Variants in LTBP2 observed in about 807,000 individuals in gnomAD.
LTBP2 encodes latent-transforming growth factor beta-binding protein 2.
LTBP2 carries 103 observed loss-of-function variants against 210.6 expected under a neutral mutation model. The ratio of observed to expected loss-of-function variants is 0.49; its 90% confidence interval spans 0.42 to 0.58. The LOEUF (loss-of-function observed/expected upper bound fraction) is 0.58, where lower values mean the gene tolerates loss of function less well. Ranked by LOEUF, LTBP2 falls within the 20% of genes least tolerant of loss-of-function variation. The probability of loss-of-function intolerance (pLI) is 0.00; values close to 1 mark genes in which losing one functional copy is unlikely to be tolerated. For missense variants in LTBP2, 2,313 were observed against 2,494.5 expected (o/e 0.93, Z 1.55); for synonymous variants, 1,007 against 1,015.0 (o/e 0.99, Z 0.15).
In LTBP2 at chr14:74,501,010, G is replaced by A; in HGVS notation, c.5340C>T (p.Asp1780=). Residue 1780 remains aspartate, a synonymous_variant, in exon 36 of 36, where the codon GAC becomes GAT. Transcript: ENST00000261978. ...MACVDVNECD[D]LNGPAVLCVH... ...CACAGAGCACAGCAGGCCCGTTCAA[G>A]TCATCACACTCATTCACATCTAAGA... is the stretch of plus-strand genomic sequence containing the variant. 1 of 1,613,938 alleles carries A rather than the reference G, an allele frequency of 6.2e-7. No individual in the cohort carries two copies. Among genetic ancestry groups the A allele is most frequent in the Non-Finnish European group, 8.5e-7 (1 of 1,179,926 alleles).
rs137854857 is a variant in LTBP2 at position 74,551,197 on chromosome 14, C to A, written c.1553G>T (p.Ser518Ile). 0.012 allele frequency: 19,137 copies of A among 1,613,692 alleles called. 148 individuals are homozygous for A. Among genetic ancestry groups the A allele is most frequent in the Non-Finnish European group, 0.015 (17,445 of 1,179,992 alleles). ...GCTGTCCCAGAGGCTGTGGCCAGGG[C>A]TGGCAGGCAGCCAGGGCGGGGGTCT... ...ETRPPPWLPA[S>I]PGHSLWDSNN... Residue 518 changes from serine (S) to isoleucine (I), a missense_variant, in exon 7 of 36, where the codon AGC (serine) becomes ATC (isoleucine). Ser to Ile is a moderately radical substitution (Grantham distance 142). This residue lies in a region of LTBP2 where 1,867 missense variants were observed against 1,976.9 expected (regional missense o/e 0.94). Coordinates refer to ENST00000261978, the MANE Select transcript of LTBP2 (RefSeq NM_000428.3).
At chr14:74,528,394 G>A (rs1209912846) in intron 12 of LTBP2, 89 bp downstream of exon 12, 1 of 1,444,246 alleles carries the variant, frequency 6.9e-7, no homozygotes, top group African/African-American at 1.4e-5. Context: ...GGATGCCCAG[G>A]GACCCAGGAT....
chr14:74,552,910 T>A lies in LTBP2; in HGVS notation c.1174A>T (p.Lys392Ter). The A allele has an allele frequency of 6.2e-7, 1 of 1,613,442 alleles. No individual in the cohort carries two copies. The highest frequency in any genetic ancestry group is 8.5e-7 in the Non-Finnish European group (1 of 1,179,746). Reference sequence around the variant, plus strand: ...GACTCACAGATGCGGAAGCCAGACTTGGGATCGTGCCCATGGCCGCCCTGG... The same window carrying A: ...GACTCACAGATGCGGAAGCCAGACTAGGGATCGTGCCCATGGCCGCCCTGG... Reference protein sequence around the residue: ...YSQGGHGHDPKSGFRIYFCQI... With the variant: ...YSQGGHGHDP Residue 392 changes from lysine (K) to a stop codon, truncating the protein, a stop_gained, in exon 5 of 36, where the codon AAG becomes TAG. Coordinates refer to ENST00000261978, the MANE Select transcript of LTBP2 (RefSeq NM_000428.3). LOFTEE classifies it high-confidence loss of function.
At chr14:74,518,085 A>G (rs2087157489) in intron 17 of LTBP2, among the ~76,000 whole-genome samples, 1 of 152,148 alleles carries the variant, frequency 6.6e-6, no homozygotes, top group African/African-American at 2.4e-5. Context: ...GACTGGTTTA[A>G]TGCATCACCT....
chr14:74,555,497 C>A lies in LTBP2; in HGVS notation c.1021+6G>T, dbSNP rs1196917279. ...TCTTCTAGGACCCAAGACAGGGTAT[C>A]CTTACCCCAGGGGGATGAGGGGTGC... On this transcript the variant is annotated splice_donor_region_variant and intron_variant, in intron 4 of 35. Coordinates refer to ENST00000261978, the MANE Select transcript of LTBP2 (RefSeq NM_000428.3). The A allele has an allele frequency of 1.9e-6, 3 of 1,613,570 alleles. No homozygotes were observed. The highest frequency in any genetic ancestry group is 2.5e-6 in the Non-Finnish European group (3 of 1,179,704).
chr14:74,539,697 C>T lies in LTBP2; in HGVS notation c.1790-3697G>A, dbSNP rs79923297. Among the ~76,000 whole-genome samples the T allele has an allele frequency of 1.9e-4, 26 of 140,102 alleles. No individual in the cohort carries two copies. In the South Asian group the frequency reaches 2.9e-3, roughly 16 times the overall value. The allele number at this position is 140,102 out of a possible 152,430, so 91.9% of individuals were successfully genotyped here. On this transcript the variant is annotated intron_variant, in intron 8 of 35. Transcript: ENST00000261978. ...CTCCAGCCTGGGCAACAGAGGGAGA[C>T]GGAGACGGAGACTGAGAGGGAGAGG...
chr14:74,570,098 GA>G (rs2087956132), intron 3 of LTBP2, among the ~76,000 whole-genome samples: 3 of 152,172 alleles, frequency 2.0e-5, no homozygotes, highest in African/African-American at 7.2e-5. Context: ...CAGGAGATTG[GA>G]GGAGGGGCTG....
rs2088470815 is a variant in LTBP2, at chr14:74,603,065, GA to G, written c.565+569del. Reference sequence around the variant, plus strand: ...GCCAACACAGTAGGACAGCAGGAGGGAGTGCAGGAAGCTTTGAAAACACAAG... The same window carrying G: ...GCCAACACAGTAGGACAGCAGGAGGGGTGCAGGAAGCTTTGAAAACACAAG... On this transcript the variant is annotated intron_variant, in intron 2 of 35. Transcript: ENST00000261978. Among the ~76,000 whole-genome samples the G allele has an allele frequency of 2.0e-5, 3 of 152,258 alleles. No homozygotes were observed. In the South Asian group the frequency reaches 6.2e-4, roughly 31 times the overall value.
intron 17 of LTBP2, among the ~76,000 whole-genome samples, 162 bp downstream of exon 17, chr14:74,521,749 C>T (rs944565762): frequency 4.6e-5 from 7 of 152,244 alleles, no homozygotes; most frequent in African/African-American, 1.7e-4. Context: ...GAATCAGCCT[C>T]CTCCCAGATC....
rs2087669457 is a variant in LTBP2 at position 74,552,260 on chromosome 14, C to A, written c.1326G>T (p.Gly442=). The stretch of plus-strand genomic sequence containing the variant: ...CTTCCAGCAAGGCCCTGGGGCGGGA[C>A]CCCCTCCCTGGAGGCTCCCTGTCCG... ...PQPDREPPGR[G]SRPRALLEAP... is the part of the protein sequence containing the mutation. The change falls in exon 6 of 36, where the codon GGG becomes GGT. Residue 442 remains glycine, a synonymous_variant. Coordinates refer to ENST00000261978, the MANE Select transcript of LTBP2 (RefSeq NM_000428.3). 2 of 1,613,150 alleles carry A rather than the reference C, an allele frequency of 1.2e-6. No individual in the cohort carries two copies. The highest frequency in any genetic ancestry group is 1.7e-6 in the Non-Finnish European group (2 of 1,179,894).
At chr14:74,593,274 T>A (rs2088307310) in intron 2 of LTBP2, among the ~76,000 whole-genome samples, 2 of 152,112 alleles carry the variant, frequency 1.3e-5, no homozygotes, top group Non-Finnish European at 2.9e-5. Context: ...GACCACCCCA[T>A]GCAGGCTGCT....
Position 74,500,856 on chromosome 14 carries a change from A to T in LTBP2, c.*28T>A. Reference sequence around the variant, plus strand: ...CTGCCTGTGACTGGAGGCCATTTCCAGGTAGTTGCCACACTGACCCCTGAC... The same window carrying T: ...CTGCCTGTGACTGGAGGCCATTTCCTGGTAGTTGCCACACTGACCCCTGAC... On this transcript the variant is annotated 3_prime_UTR_variant, in exon 36 of 36. Coordinates refer to ENST00000261978, the MANE Select transcript of LTBP2 (RefSeq NM_000428.3). 2 of 1,613,416 alleles carry T rather than the reference A, an allele frequency of 1.2e-6. No homozygotes were observed. Among genetic ancestry groups the T allele is most frequent in the Non-Finnish European group, 1.7e-6 (2 of 1,179,922 alleles).
rs201950933 is a variant in LTBP2, at chr14:74,585,959, C to T, written c.725G>A (p.Arg242His). The T allele has an allele frequency of 3.8e-5, 62 of 1,613,694 alleles. No homozygotes were observed. The highest frequency in any genetic ancestry group is 1.1e-4 in the African/African-American group (8 of 75,038). The change falls in exon 3 of 36, where the codon CGT becomes CAT. Residue 242 changes from arginine to histidine, a missense_variant. By Grantham distance (29) the Arg-to-His change is conservative. Coordinates refer to ENST00000261978, the MANE Select transcript of LTBP2 (RefSeq NM_000428.3). Reference protein sequence around the residue: ...SRLAPRRWAERSPNLRRSSAA... With the variant: ...SRLAPRRWAEHSPNLRRSSAA... ...ACTGCTCCTGCGCAGGTTGGGTGAACGCTCGGCCCAGCGTCGAGGTGCCAG... is the reference window on the plus strand; with the variant it reads ...ACTGCTCCTGCGCAGGTTGGGTGAATGCTCGGCCCAGCGTCGAGGTGCCAG...
chr14:74,607,936 C>T lies in LTBP2; in HGVS notation c.494+3515G>A, dbSNP rs1480475469. Among the ~76,000 whole-genome samples, 5 of 143,586 alleles carry T rather than the reference C, an allele frequency of 3.5e-5. No homozygotes were observed. In the East Asian group the frequency reaches 6.1e-4, roughly 18 times the overall value. The allele number at this position is 143,586 out of a possible 152,430, so 94.2% of individuals were successfully genotyped here. ...TATGTTTTTTTTTTTTTTTTTGAGA[C>T]GGAGTCTCGCTCTGTCGCCCAGGCC... On this transcript the variant is annotated intron_variant, in intron 1 of 35. Transcript: ENST00000261978.
chr14:74,601,694 C>T (rs1263746847), intron 2 of LTBP2, among the ~76,000 whole-genome samples: 2 of 152,196 alleles, frequency 1.3e-5, no homozygotes, highest in East Asian at 1.9e-4. Context: ...TCTCCAGACT[C>T]GCGGGAATGG....
Position 74,500,707 on chromosome 14 carries a change from A to G in LTBP2, c.*177T>C. 2.6e-6 allele frequency: 2 copies of G among 782,930 alleles called. No individual in the cohort carries two copies. The highest frequency in any genetic ancestry group is 3.2e-5 in the South Asian group (2 of 63,212). 48.5% of individuals were successfully genotyped at this position (782,930 alleles called of 1,614,324 possible). A position where few individuals can be genotyped will look rare whatever the true frequency, so the allele number is the denominator to read the frequency against. The stretch of plus-strand genomic sequence containing the variant: ...GTGCTTGAGCCAAGCAAGGGCATGG[A>G]GGCAATGACCGAAGCTTACAGCCAG... On this transcript the variant is annotated 3_prime_UTR_variant, in exon 36 of 36. Transcript: ENST00000261978.
At chr14:74,580,498 A>G (rs1010246153) in intron 3 of LTBP2, among the ~76,000 whole-genome samples, 10 of 152,186 alleles carry the variant, frequency 6.6e-5, no homozygotes, top group Admixed American at 5.2e-4. Flanking sequence ...AAGCCAAGGA[A>G]GGCCAAGGAT....
intron 8 of LTBP2, among the ~76,000 whole-genome samples, chr14:74,538,661 T>C (rs540765913): frequency 2.6e-5 from 4 of 152,346 alleles, no homozygotes; most frequent in South Asian, 4.1e-4. Context: ...GTGCCAAGCA[T>C]GACATGTGAC....
At chr14:74,601,768 T>C (rs1197746980) in intron 2 of LTBP2, among the ~76,000 whole-genome samples, 1 of 152,128 alleles carries the variant, frequency 6.6e-6, no homozygotes, top group Admixed American at 6.5e-5. Flanking sequence ...TACGTTATCA[T>C]AGAATAACGT....
Sources: allele counts gnomAD v4.1 joint callset (sites outside exome capture counted in the v4.1 genomes callset), GRCh38; gene constraint gnomAD v4.1.1; regional missense constraint gnomAD v4.1.1; transcripts MANE v1.5; gene names NCBI Gene and HGNC (gene_info 2026-07-23, HGNC 2026-07-21).